Variants in LOXHD1 observed in about 807,000 individuals in gnomAD.
The protein encoded by LOXHD1 is lipoxygenase homology domain-containing protein 1.
Under a neutral mutation model 248.2 loss-of-function variants are expected in LOXHD1, and 205 were observed. That is an observed-to-expected ratio of 0.83 (90% CI 0.74 to 0.93). The LOEUF (loss-of-function observed/expected upper bound fraction) is 0.93, where lower values mean the gene tolerates loss of function less well. Among genes scored for constraint, LOXHD1 ranks in the 40% least tolerant of loss-of-function variants. The pLI is 0.00. For missense variants in LOXHD1, 2,930 were observed against 2,971.6 expected (o/e 0.99, Z 0.33); for synonymous variants, 1,113 against 1,162.8 (o/e 0.96, Z 0.87).
intron 4 of LOXHD1, among the ~76,000 whole-genome samples, chr18:46,622,788 C>T (rs1402888428): frequency 2.6e-5 from 4 of 152,214 alleles, no homozygotes; most frequent in African/African-American, 9.7e-5. Context: ...GCCTGGCAGT[C>T]CACTGATAGA....
intron 4 of LOXHD1, among the ~76,000 whole-genome samples, chr18:46,633,477 T>G (rs1263806455): frequency 2.6e-5 from 4 of 152,160 alleles, no homozygotes; most frequent in Admixed American, 2.0e-4. Flanking sequence ...TCACTCAAAA[T>G]GGACCAAAGA....
rs1160133060 is a variant in LOXHD1 at position 46,489,396 on chromosome 18, C to T, written c.5879-254G>A. 3.3e-5 allele frequency among the ~76,000 whole-genome samples: 5 copies of T among 152,196 alleles called. No homozygotes were observed. The East Asian group carries it at 5.8e-4, about 18-fold the overall frequency. On this transcript the variant is annotated intron_variant, in intron 37 of 40. Transcript: ENST00000642948. ...AACCCTAGAGGATTTGTGTATGGAA[C>T]TTAAGCAGTCCATGACCCCAAGAAA...
rs575200995 is a variant in LOXHD1 at position 46,637,638 on chromosome 18, A to G, written c.511+1978T>C. ...CTCTCATACTCACACACAAACACAC[A>G]CACACACATAAAAATTGCCAATAAA... On this transcript the variant is annotated intron_variant, in intron 4 of 40. Transcript: ENST00000642948. 1.5e-3 allele frequency among the ~76,000 whole-genome samples: 230 copies of G among 152,332 alleles called. 3 individuals carry two copies. The highest frequency in any genetic ancestry group is 8.9e-3 in the East Asian group (46 of 5,188).
intron 27 of LOXHD1, 61 bp downstream of exon 27, chr18:46,534,274 C>A: frequency 7.9e-7 from 1 of 1,260,308 alleles, no homozygotes; most frequent in South Asian, 1.3e-5. Flanking sequence ...AGGGAATTTG[C>A]CTTGAACCTG....
At chr18:46,545,037 G>T in intron 23 of LOXHD1, 1 of 477,960 alleles carries the variant, frequency 2.1e-6, no homozygotes, top group Non-Finnish European at 4.0e-6. Context: ...AGAGTATCAT[G>T]GCTGAATTTC....
At chr18:46,562,049 C>T (rs556035199) in intron 18 of LOXHD1, among the ~76,000 whole-genome samples, 3 of 152,358 alleles carry the variant, frequency 2.0e-5, no homozygotes, top group Admixed American at 6.5e-5. Context: ...CTGACATTGA[C>T]TCTTGATCAT....
intron 6 of LOXHD1, among the ~76,000 whole-genome samples, chr18:46,609,810 AG>A (rs768102599): frequency 1.8e-4 from 28 of 152,194 alleles, no homozygotes; most frequent in Non-Finnish European, 3.1e-4. Flanking sequence ...GTTTACTAGA[AG>A]GGATTACAGG....
At chr18:46,643,730 A>C (rs1350195138) in intron 2 of LOXHD1, among the ~76,000 whole-genome samples, 2 of 152,238 alleles carry the variant, frequency 1.3e-5, no homozygotes, top group African/African-American at 4.8e-5. Flanking sequence ...AGACAAGGCA[A>C]GTGATCTTTA....
At chr18:46,590,405 G>C (rs1408478774) in intron 12 of LOXHD1, among the ~76,000 whole-genome samples, 1 of 152,154 alleles carries the variant, frequency 6.6e-6, no homozygotes, top group Non-Finnish European at 1.5e-5. Flanking sequence ...TAGAAATAGA[G>C]ACCGAGAATC....
chr18:46,625,314 T>G (rs891076704), intron 4 of LOXHD1, among the ~76,000 whole-genome samples: 5 of 152,136 alleles, frequency 3.3e-5, no homozygotes, highest in Non-Finnish European at 7.3e-5. Flanking sequence ...AGCCAAGCCT[T>G]GTTATGCACC....
In LOXHD1 at chr18:46,494,849, C is replaced by CTTTTTTT. The variant is rs58016824; in HGVS notation, c.5879-5714_5879-5708dup. Among the ~76,000 whole-genome samples the CTTTTTTT allele has an allele frequency of 6.1e-4, 59 of 96,550 alleles. 1 individual carries two copies. The highest frequency in any genetic ancestry group is 1.3e-3 in the African/African-American group (35 of 26,028). 63.3% of individuals were successfully genotyped at this position (96,550 alleles called of 152,430 possible). On this transcript the variant is annotated intron_variant, in intron 37 of 40. Transcript: ENST00000642948. ...TTTTCTTTCTCCTTTTTCTCTCTCT[C>CTTTTTTT]TTTTTTTTTTTTTTTTTTTTTTGAG...
intron 2 of LOXHD1, 119 bp from the exon 3 acceptor site, chr18:46,642,155 G>A (rs1395581272): frequency 3.4e-6 from 3 of 884,186 alleles, no homozygotes; most frequent in East Asian, 2.7e-5. Flanking sequence ...AGAGCTATGA[G>A]CAACAAGATC....
chr18:46,656,209 A>G (rs993634692), intron 1 of LOXHD1, among the ~76,000 whole-genome samples: 1 of 152,214 alleles, frequency 6.6e-6, no homozygotes, highest in Admixed American at 6.5e-5. Flanking sequence ...GGACGTCCAC[A>G]GCCTATTGGC....
chr18:46,649,520 C>A (rs777446488), intron 1 of LOXHD1, among the ~76,000 whole-genome samples: 2 of 152,212 alleles, frequency 1.3e-5, no homozygotes, highest in South Asian at 4.1e-4. Flanking sequence ...AGGTCCTGCA[C>A]GTTATCAACA....
At chr18:46,597,807 AGCGCAGTG>A (rs2038279660) in intron 8 of LOXHD1, among the ~76,000 whole-genome samples, 2 of 150,928 alleles carry the variant, frequency 1.3e-5, no homozygotes, top group East Asian at 3.9e-4. Context: ...CCCAGGCTGG[AGCGCAGTG>A]GCGCAATCTC....
Position 46,604,152 on chromosome 18 carries a change from A to G in LOXHD1, c.837T>C (p.Asp279=), listed in dbSNP as rs1315463830. The change falls in exon 7 of 41, where the codon GAT becomes GAC. Residue 279 remains aspartate, a synonymous_variant. Transcript: ENST00000642948. The part of the protein sequence containing the change: ...LNRWLALDED[D]GKIQRDILVG... Reference sequence around the variant, plus strand: ...CTAAGATATCCCTTTGGATTTTGCCATCGTCTTCGTCCAAGGCCAGCCAGC... The same window carrying G: ...CTAAGATATCCCTTTGGATTTTGCCGTCGTCTTCGTCCAAGGCCAGCCAGC... 2 of 1,551,728 alleles carry G rather than the reference A, an allele frequency of 1.3e-6. No individual in the cohort carries two copies. Among genetic ancestry groups the G allele is most frequent in the East Asian group, 4.9e-5 (2 of 40,928 alleles).
rs146171097 is a variant in LOXHD1, at chr18:46,595,878, G to C, written c.1135-1412C>G. On this transcript the variant is annotated intron_variant, in intron 8 of 40. Transcript: ENST00000642948. Reference sequence around the variant, plus strand: ...CTCATTGTTAACTGTGTATTGGTTAGTTTTGTTTTTTTAAGAAGTAGTAAA... The same window carrying C: ...CTCATTGTTAACTGTGTATTGGTTACTTTTGTTTTTTTAAGAAGTAGTAAA... Among the ~76,000 whole-genome samples the C allele has an allele frequency of 5.1e-3, 776 of 152,256 alleles. 6 individuals are homozygous for C. Among genetic ancestry groups the C allele is most frequent in the African/African-American group, 0.018 (734 of 41,544 alleles).
At chr18:46,588,340 C>G (rs956725132) in intron 12 of LOXHD1, among the ~76,000 whole-genome samples, 7 of 152,154 alleles carry the variant, frequency 4.6e-5, no homozygotes, top group Non-Finnish European at 2.9e-5. Context: ...AACAGACAGC[C>G]CTTCAATCCA....
chr18:46,506,508 G>C (rs555313423), intron 36 of LOXHD1, among the ~76,000 whole-genome samples: 10 of 152,328 alleles, frequency 6.6e-5, no homozygotes, highest in Admixed American at 2.0e-4. Context: ...AAAAGCAAAT[G>C]CTTCTGGAAG....
Sources: gnomAD v4.1 joint callset for allele counts (sites outside exome capture counted in the v4.1 genomes callset) on GRCh38, gnomAD v4.1.1 for gene constraint, MANE v1.5 for transcripts, NCBI Gene and HGNC (gene_info 2026-07-23, HGNC 2026-07-21) for gene names.